Variants in FAM13C observed in about 807,000 individuals in gnomAD.
The protein encoded by FAM13C is family with sequence similarity 13 member C.
In FAM13C, 37 loss-of-function variants were observed where a neutral mutation model predicts 73.2. That is an observed-to-expected ratio of 0.51 (90% CI 0.39 to 0.67). FAM13C has a LOEUF of 0.67. Among genes scored for constraint, FAM13C ranks in the 30% least tolerant of loss-of-function variants. FAM13C has a pLI of 0.00. For missense variants in FAM13C, 589 were observed against 715.6 expected (o/e 0.82, Z 2.02); for synonymous variants, 246 against 260.9 (o/e 0.94, Z 0.55).
At chr10:59,358,580 G>A (rs1345683141) in intron 1 of FAM13C, among the ~76,000 whole-genome samples, 2 of 152,148 alleles carry the variant, frequency 1.3e-5, no homozygotes, top group African/African-American at 2.4e-5. Context: ...CATCAATGAA[G>A]AACAAAAATC....
intron 3 of FAM13C, among the ~76,000 whole-genome samples, chr10:59,347,722 C>T (rs1473911185): frequency 6.6e-6 from 1 of 151,792 alleles, no homozygotes; most frequent in African/African-American, 2.4e-5. Context: ...GTTCCCCTCC[C>T]TATGTCCATG....
Position 59,321,431 on chromosome 10 carries a change from C to CTTTTTTTTTTTTTTTTTTTT in FAM13C, c.443+2556_443+2557insAAAAAAAAAAAAAAAAAAAA, listed in dbSNP as rs1850255076. On this transcript the variant is annotated intron_variant, in intron 4 of 13. Coordinates refer to ENST00000618804, the MANE Select transcript of FAM13C (RefSeq NM_198215.4). Reference sequence around the variant, plus strand: ...AGAAAGGAATGGAGCCCTGCCAACACCTTTTTTTTTTTTTTTTTTTTTTTT... The same window carrying CTTTTTTTTTTTTTTTTTTTT: ...AGAAAGGAATGGAGCCCTGCCAACACTTTTTTTTTTTTTTTTTTTTCTTTTTTTTTTTTTTTTTTTTTTTT... Among the ~76,000 whole-genome samples, 3 of 109,856 alleles carry CTTTTTTTTTTTTTTTTTTTT rather than the reference C, an allele frequency of 2.7e-5. 1 individual carries two copies. Among genetic ancestry groups the CTTTTTTTTTTTTTTTTTTTT allele is most frequent in the African/African-American group, 6.9e-5 (2 of 28,920 alleles). The allele number at this position is 109,856 out of a possible 152,430, so 72.1% of individuals were successfully genotyped here.
At chr10:59,342,224 C>T (rs1347054416) in intron 3 of FAM13C, among the ~76,000 whole-genome samples, 1 of 152,124 alleles carries the variant, frequency 6.6e-6, no homozygotes, top group Non-Finnish European at 1.5e-5. Flanking sequence ...TTTATTATCC[C>T]AAGAGAGTGA....
chr10:59,341,180 G>A (rs638657), intron 3 of FAM13C, among the ~76,000 whole-genome samples: 2 of 152,000 alleles, frequency 1.3e-5, no homozygotes. Context: ...CCCCTACCAC[G>A]CTGGCAAATC....
chr10:59,293,361 C>A (rs991973931), intron 5 of FAM13C, among the ~76,000 whole-genome samples: 3 of 152,174 alleles, frequency 2.0e-5, no homozygotes, highest in Non-Finnish European at 4.4e-5. Flanking sequence ...CAGGCGTGAG[C>A]CACTGCGCCC....
At chr10:59,348,684 G>A (rs1437858750) in intron 3 of FAM13C, among the ~76,000 whole-genome samples, 2 of 152,122 alleles carry the variant, frequency 1.3e-5, no homozygotes, top group African/African-American at 4.8e-5. Flanking sequence ...TGTTGCCCAG[G>A]CTGAAGTGCA....
intron 5 of FAM13C, among the ~76,000 whole-genome samples, chr10:59,284,708 C>T (rs1845349980): frequency 6.6e-6 from 1 of 150,916 alleles, no homozygotes; most frequent in Middle Eastern, 3.2e-3. Context: ...ATACTCTCAT[C>T]CCTACTCCCC....
intron 6 of FAM13C, among the ~76,000 whole-genome samples, chr10:59,280,614 G>T (rs1844817550): frequency 6.6e-6 from 1 of 152,200 alleles, no homozygotes; most frequent in Non-Finnish European, 1.5e-5. Flanking sequence ...ATCCTAGACT[G>T]TCTAGAGAGG....
chr10:59,252,265 A>AGAT (rs1268975927), intron 12 of FAM13C, among the ~76,000 whole-genome samples: 1 of 152,174 alleles, frequency 6.6e-6, no homozygotes, highest in Non-Finnish European at 1.5e-5. Context: ...ATGGTTTCAG[A>AGAT]GATTCTGTGA....
intron 10 of FAM13C, among the ~76,000 whole-genome samples, chr10:59,259,416 G>A (rs1452051040): frequency 6.6e-6 from 1 of 152,162 alleles, no homozygotes; most frequent in East Asian, 1.9e-4. Flanking sequence ...GACCTAATGA[G>A]ATGATCTGAA....
At chr10:59,362,346 T>C (rs1856517541) in intron 1 of FAM13C, 53 bp downstream of exon 1, 3 of 1,597,302 alleles carry the variant, frequency 1.9e-6, no homozygotes, top group African/African-American at 1.3e-5. Flanking sequence ...TTCACGATAG[T>C]TGCTTCCAGA....
intron 5 of FAM13C, among the ~76,000 whole-genome samples, chr10:59,292,455 G>C (rs1438044715): frequency 6.6e-6 from 1 of 152,206 alleles, no homozygotes; most frequent in Non-Finnish European, 1.5e-5. Flanking sequence ...CCTTAATCTG[G>C]CTCATTCTGT....
At chr10:59,341,068 C>T (rs548922891) in intron 3 of FAM13C, among the ~76,000 whole-genome samples, 7 of 152,168 alleles carry the variant, frequency 4.6e-5, no homozygotes, top group Non-Finnish European at 8.8e-5. Flanking sequence ...CCACAAGCAC[C>T]ACATTCACTG....
intron 4 of FAM13C, among the ~76,000 whole-genome samples, chr10:59,317,558 A>G (rs73300174): frequency 0.049 from 7,513 of 152,136 alleles, 552 homozygotes; most frequent in African/African-American, 0.16. Context: ...GGAAAATTAA[A>G]TTTGTTCAAT....
At chr10:59,347,816 G>A (rs1854515541) in intron 3 of FAM13C, among the ~76,000 whole-genome samples, 1 of 151,976 alleles carries the variant, frequency 6.6e-6, no homozygotes, top group Admixed American at 6.6e-5. Flanking sequence ...TGAGAATGAT[G>A]GTTTCCAGCT....
intron 5 of FAM13C, among the ~76,000 whole-genome samples, chr10:59,301,419 C>A (rs1176630292): frequency 1.3e-5 from 2 of 152,206 alleles, no homozygotes; most frequent in East Asian, 3.8e-4. Context: ...TGAGCTGGCA[C>A]ACTTCATGTC....
At chr10:59,311,935 T>A (rs1848975015) in intron 4 of FAM13C, among the ~76,000 whole-genome samples, 1 of 152,120 alleles carries the variant, frequency 6.6e-6, no homozygotes, top group Non-Finnish European at 1.5e-5. Context: ...CAGCTCCTCC[T>A]ATCTATCAGA....
intron 10 of FAM13C, among the ~76,000 whole-genome samples, chr10:59,261,579 G>C (rs1447930991): frequency 6.6e-6 from 1 of 152,012 alleles, no homozygotes; most frequent in Non-Finnish European, 1.5e-5. Flanking sequence ...GAAAAGGGGA[G>C]GTCATGACCT....
At position 59,252,845 on chromosome 10, in the gene FAM13C, C is replaced by T. The variant is rs147340549; in HGVS notation, c.1486G>A (p.Val496Ile). ...RALLPDEKKE[V>I]KPPALSMSNL... ...GACATGGAGAGAGCTGGTGGTTTTA[C>T]TTCTTTCTTTTCATCTGGTAAAAGG... is the stretch of plus-strand genomic sequence containing the variant. Residue 496 changes from valine to isoleucine, a missense_variant, in exon 12 of 14, where the codon GTA becomes ATA. Coordinates refer to ENST00000618804, the MANE Select transcript of FAM13C (RefSeq NM_198215.4). The T allele has an allele frequency of 7.2e-5, 117 of 1,614,048 alleles. No individual in the cohort carries two copies. The African/African-American group carries it at 1.2e-3, about 17-fold the overall frequency.
Sources: gnomAD v4.1 joint callset for allele counts (sites outside exome capture counted in the v4.1 genomes callset) on GRCh38, gnomAD v4.1.1 for gene constraint, MANE v1.5 for transcripts, NCBI Gene and HGNC (gene_info 2026-07-23, HGNC 2026-07-21) for gene names.